Variants in SHPK observed in about 807,000 individuals in gnomAD.
The protein encoded by SHPK is carbohydrate kinase-like protein.
Under a neutral mutation model 46.3 loss-of-function variants are expected in SHPK, and 51 were observed. The ratio of observed to expected loss-of-function variants is 1.10; its 90% CI spans 0.88 to 1.39. The LOEUF (loss-of-function observed/expected upper bound fraction) is 1.39, where lower values mean the gene tolerates loss of function less well. Ranked by LOEUF, SHPK falls within the 40% of genes most tolerant of loss-of-function variation. SHPK has a pLI of 0.00. For synonymous variants in SHPK, 290 were observed against 273.9 expected, an observed-to-expected ratio of 1.06 and a Z score of -0.58; for missense variants, 668 against 641.3, an observed-to-expected ratio of 1.04 and a Z score of -0.45.
At chr17:3,613,228 T>A (rs1412436647) in intron 6 of SHPK, among the ~76,000 whole-genome samples, 4 of 152,324 alleles carry the variant, frequency 2.6e-5, no homozygotes, top group East Asian at 1.9e-4. Context: ...CCTGAGGAAC[T>A]TTTATAAAAC....
intron 2 of SHPK, among the ~76,000 whole-genome samples, chr17:3,627,906 T>C (rs2075447057): frequency 6.6e-6 from 1 of 152,008 alleles, no homozygotes; most frequent in Non-Finnish European, 1.5e-5. Flanking sequence ...CTTGACACCC[T>C]AATCGCCTTC....
chr17:3,623,645 A>G (rs917767493), intron 3 of SHPK, among the ~76,000 whole-genome samples, 154 bp from the exon 4 acceptor site: 8 of 152,126 alleles, frequency 5.3e-5, no homozygotes, highest in Non-Finnish European at 1.2e-4. Context: ...GGTCCCTGGG[A>G]TTAGGACCTC....
At chr17:3,614,612 C>G (rs1353395854) in intron 6 of SHPK, among the ~76,000 whole-genome samples, 1 of 152,032 alleles carries the variant, frequency 6.6e-6, no homozygotes, top group Non-Finnish European at 1.5e-5. Context: ...CTTTGGGAGG[C>G]CGAGGCGGGT....
chr17:3,619,874 T>C, intron 5 of SHPK: 1 of 282,744 alleles, frequency 3.5e-6, no homozygotes, highest in East Asian at 1.0e-4. Context: ...CCTGACAACA[T>C]GGCCACGAGC....
intron 2 of SHPK, among the ~76,000 whole-genome samples, chr17:3,628,063 C>T (rs934715172): frequency 5.3e-5 from 8 of 151,956 alleles, no homozygotes; most frequent in African/African-American, 1.7e-4. Context: ...TTAAACGGTG[C>T]ATCACCAAAT....
chr17:3,622,578 G>C, intron 4 of SHPK: 1 of 985,090 alleles, frequency 1.0e-6, no homozygotes, highest in Non-Finnish European at 1.2e-6. Flanking sequence ...TTATTTCAGA[G>C]CTCAGAATTT....
Position 3,621,305 on chromosome 17 carries a change from T to C in SHPK, c.755A>G (p.Gln252Arg), listed in dbSNP as rs2075399180. Reference protein sequence around the residue: ...HMWFEIPKGTQVGVALGDLQA... With the variant: ...HMWFEIPKGTRVGVALGDLQA... Reference sequence around the variant, plus strand: ...TAAATCACCCAAGGCCACTCCCACCTGCGTCCCCTTTGGGATTTCAAACCA... The same window carrying C: ...TAAATCACCCAAGGCCACTCCCACCCGCGTCCCCTTTGGGATTTCAAACCA... Residue 252 changes from glutamine to arginine, a missense_variant, in exon 5 of 7, where the codon CAG (glutamine) becomes CGG (arginine). Transcript: ENST00000225519. 2.5e-6 allele frequency: 4 copies of C among 1,613,992 alleles called. No homozygotes were observed. Among genetic ancestry groups the C allele is most frequent in the Non-Finnish European group, 2.5e-6 (3 of 1,180,000 alleles).
chr17:3,619,557 ACCCCGTGT>A (rs1248969538), intron 5 of SHPK: 1 of 458,196 alleles, frequency 2.2e-6, no homozygotes, highest in Non-Finnish European at 4.0e-6. Context: ...ACATGGTGAA[ACCCCGTGT>A]CTACTAAAAA....
Position 3,630,252 on chromosome 17 carries a change from C to A in SHPK, c.263G>T (p.Gly88Val). The change falls in exon 2 of 7, where the codon GGG becomes GTG. Residue 88 changes from glycine (G) to valine (V), a missense_variant. Physicochemically the swap from Gly to Val is moderately radical, Grantham distance 109 (BLOSUM62 -3). Coordinates refer to ENST00000225519, the MANE Select transcript of SHPK (RefSeq NM_013276.4). ...RPQLRSVVGI[G>V]VSGQMHGVVF... ...GACTCCATGCATCTGGCCCGACACCCCGATGCCCACGACGCTCCGGAGCTG... is the reference window on the plus strand; with the variant it reads ...GACTCCATGCATCTGGCCCGACACCACGATGCCCACGACGCTCCGGAGCTG... 6.2e-7 allele frequency: 1 copy of A among 1,613,740 alleles called. No homozygotes were observed. The highest frequency in any genetic ancestry group is 8.5e-7 in the Non-Finnish European group (1 of 1,179,994).
At chr17:3,613,170 G>A (rs1194445650) in intron 6 of SHPK, among the ~76,000 whole-genome samples, 2 of 152,214 alleles carry the variant, frequency 1.3e-5, no homozygotes, top group Admixed American at 6.5e-5. Context: ...GCTTTCTGAG[G>A]AGACAGTTCT....
chr17:3,620,941 C>T (rs2075396772), intron 5 of SHPK, among the ~76,000 whole-genome samples: 1 of 152,200 alleles, frequency 6.6e-6, no homozygotes, highest in South Asian at 2.1e-4. Context: ...TTCTTGGGCC[C>T]GGAGTCACAT....
In SHPK at chr17:3,610,497, A is replaced by T. The variant is rs1355198826; in HGVS notation, c.*63T>A. ...GGTCCAGGGAAAGGATGACCCACAG[A>T]TGGTGTCAGGAATGTTAATCAGGTA... On this transcript the variant is annotated 3_prime_UTR_variant, in exon 7 of 7. Coordinates refer to ENST00000225519, the MANE Select transcript of SHPK (RefSeq NM_013276.4). 1 of 1,493,676 alleles carries T rather than the reference A, an allele frequency of 6.7e-7. No homozygotes were observed. Among genetic ancestry groups the T allele is most frequent in the Non-Finnish European group, 9.1e-7 (1 of 1,100,108 alleles). 92.5% of individuals were successfully genotyped at this position (1,493,676 alleles called of 1,614,324 possible). A position where few individuals can be genotyped will look rare whatever the true frequency, so the allele number is the denominator to read the frequency against.
intron 4 of SHPK, among the ~76,000 whole-genome samples, chr17:3,621,724 C>G (rs1342498094): frequency 6.6e-6 from 1 of 151,568 alleles, no homozygotes; most frequent in African/African-American, 2.4e-5. Context: ...ACCATCTCAG[C>G]TCACTGCAAC....
chr17:3,633,966 AC>A (rs949522184), intron 1 of SHPK, among the ~76,000 whole-genome samples: 1 of 149,234 alleles, frequency 6.7e-6, no homozygotes, highest in Non-Finnish European at 1.5e-5. Context: ...CTGTGACCTT[AC>A]CCCCAACCCT....
At chr17:3,613,265 C>A (rs1408344494) in intron 6 of SHPK, among the ~76,000 whole-genome samples, 1 of 152,188 alleles carries the variant, frequency 6.6e-6, no homozygotes, top group East Asian at 1.9e-4. Context: ...CACCCCAGGT[C>A]CAATAAATCA....
At chr17:3,612,379 T>C (rs958933587) in intron 6 of SHPK, among the ~76,000 whole-genome samples, 1 of 147,960 alleles carries the variant, frequency 6.8e-6, no homozygotes, top group Non-Finnish European at 1.5e-5. Context: ...TGAGCTGAGA[T>C]GGTGCCACTG....
rs923696565 is a variant in SHPK at position 3,612,426 on chromosome 17, A to T, written c.1025-1454T>A. On this transcript the variant is annotated intron_variant, in intron 6 of 6. Coordinates refer to ENST00000225519, the MANE Select transcript of SHPK (RefSeq NM_013276.4). ...GGGTGACAGTGCGAGACTCAGTCTT[A>T]AAAAAAAAAAAAAAAAGCCTTTGGT... Among the ~76,000 whole-genome samples the T allele has an allele frequency of 5.9e-3, 549 of 92,808 alleles. 8 individuals are homozygous for T. Among genetic ancestry groups the T allele is most frequent in the East Asian group, 6.5e-3 (25 of 3,866 alleles). The allele number at this position is 92,808 out of a possible 152,430, so 60.9% of individuals were successfully genotyped here. A position where few individuals can be genotyped will look rare whatever the true frequency, so the allele number is the denominator to read the frequency against.
chr17:3,614,633 A>G (rs2075361400), intron 6 of SHPK, among the ~76,000 whole-genome samples: 1 of 152,142 alleles, frequency 6.6e-6, no homozygotes, highest in Non-Finnish European at 1.5e-5. Flanking sequence ...GGATCACCTG[A>G]GGTCAGGAGT....
chr17:3,615,457 C>G lies in SHPK; in HGVS notation c.904G>C (p.Ala302Pro), dbSNP rs1200490733. The change falls in exon 6 of 7, where the codon GCC becomes CCC. Residue 302 changes from alanine to proline, a missense_variant. By Grantham distance (27) the Ala-to-Pro change is conservative. Coordinates refer to ENST00000225519, the MANE Select transcript of SHPK (RefSeq NM_013276.4). ...FQPAQTPDPT[A>P]PVAYFPYFNR... ...AAGTATGGGAAGTAGGCGACTGGGG[C>G]CGTAGGGTCTGGAGTCTGTGCAGGC... is the stretch of plus-strand genomic sequence containing the variant. 5.6e-6 allele frequency: 9 copies of G among 1,613,984 alleles called. No individual in the cohort carries two copies. Among genetic ancestry groups the G allele is most frequent in the Non-Finnish European group, 7.6e-6 (9 of 1,180,012 alleles).
Sources: gnomAD v4.1 joint callset for allele counts (sites outside exome capture counted in the v4.1 genomes callset) on GRCh38, gnomAD v4.1.1 for gene constraint, MANE v1.5 for transcripts, NCBI Gene and HGNC (gene_info 2026-07-23, HGNC 2026-07-21) for gene names.